The following ALMS1 variants were observed in gnomAD, a reference collection of about 807,000 sequenced individuals.
The protein encoded by ALMS1 is ALMS1 centrosome and basal body associated protein, also known as centrosome-associated protein ALMS1.
ALMS1 carries 271 observed loss-of-function variants against 352.2 expected under a neutral mutation model. The ratio of observed to expected loss-of-function variants is 0.77; its 90% CI spans 0.70 to 0.85. ALMS1 has a LOEUF of 0.85. ALMS1 is among the 40% of genes least tolerant of loss of function. ALMS1 has a pLI of 0.00. For missense variants in ALMS1, 5,445 were observed against 4,870.7 expected (o/e 1.12, Z -3.51); for synonymous variants, 1,865 against 1,761.2 (o/e 1.06, Z -1.48).
chr2:73,571,161 C>G (rs1674919017), intron 15 of ALMS1, among the ~76,000 whole-genome samples: 1 of 152,172 alleles, frequency 6.6e-6, no homozygotes, highest in Non-Finnish European at 1.5e-5. Flanking sequence ...GTGTCCCACT[C>G]TACTCTGGGG....
chr2:73,463,085 T>C (rs1003841033), intron 9 of ALMS1, among the ~76,000 whole-genome samples: 43 of 152,220 alleles, frequency 2.8e-4, no homozygotes, highest in South Asian at 8.3e-4. Flanking sequence ...AGCAATTGAA[T>C]TCAGCTCTGC....
intron 1 of ALMS1, among the ~76,000 whole-genome samples, chr2:73,407,008 C>A (rs756126109): frequency 7.9e-5 from 12 of 152,182 alleles, no homozygotes; most frequent in Non-Finnish European, 1.5e-4. Context: ...AACATACTTT[C>A]TTAGTTTGTT....
intron 11 of ALMS1, among the ~76,000 whole-genome samples, chr2:73,520,221 CAT>C (rs1673648939): frequency 6.6e-6 from 1 of 152,138 alleles, no homozygotes; most frequent in Non-Finnish European, 1.5e-5. Context: ...GCACAGTTAA[CAT>C]GTAGAACTCA....
At position 73,448,897 on chromosome 2, in the gene ALMS1, T is replaced by G. The variant is rs370372529; in HGVS notation, c.2370T>G (p.Val790=). The G allele has an allele frequency of 5.0e-6, 8 of 1,613,278 alleles. No homozygotes were observed. In the African/African-American group the frequency reaches 6.7e-5, roughly 14 times the overall value. Residue 790 remains valine (V), a synonymous_variant, in exon 8 of 23, where the codon GTT becomes GTG. Coordinates refer to ENST00000613296, the MANE Select transcript of ALMS1 (RefSeq NM_001378454.1). ...DSHLPEEGLK[V]SAVAGPADQK... ...ATCTACCTGAAGAGGGTCTGAAAGT[T>G]TCAGCTGTTGCTGGACCAGCTGACC... is the stretch of plus-strand genomic sequence containing the variant.
At chr2:73,469,726 T>G (rs898439474) in intron 9 of ALMS1, 10 of 151,866 alleles carry the variant, frequency 6.6e-5, no homozygotes, top group Non-Finnish European at 1.5e-5. Flanking sequence ...AGGGTCGAAG[T>G]GTCAAATCAG....
At position 73,450,112 on chromosome 2, in the gene ALMS1, A is replaced by C. The variant is rs1379603997; in HGVS notation, c.3585A>C (p.Arg1195Ser). The change falls in exon 8 of 23, where the codon AGA (arginine) becomes AGC (serine). Residue 1195 changes from arginine (R) to serine (S), a missense_variant. By Grantham distance (110) the Arg-to-Ser change is moderately radical. Coordinates refer to ENST00000613296, the MANE Select transcript of ALMS1 (RefSeq NM_001378454.1). Reference protein sequence around the residue: ...PRVLSTFYSQREKPGIFYQQT... With the variant: ...PRVLSTFYSQSEKPGIFYQQT... ...TACTTTCTACCTTCTACTCACAAAG[A>C]GAGAAACCTGGTATTTTCTATCAAC... 3 of 1,614,044 alleles carry C rather than the reference A, an allele frequency of 1.9e-6. No individual in the cohort carries two copies. In the South Asian group the frequency reaches 3.3e-5, roughly 18 times the overall value.
chr2:73,386,248 G>T, intron 1 of ALMS1, 56 bp downstream of exon 1: 11 of 1,427,272 alleles, frequency 7.7e-6, no homozygotes, highest in Non-Finnish European at 1.0e-5. Flanking sequence ...TGGAGGCTGG[G>T]CCCCGAGCGC....
chr2:73,572,973 CTCA>C lies in ALMS1; in HGVS notation c.11102_11104del (p.His3701del), dbSNP rs1426150645. Reference sequence around the variant, plus strand: ...GAGCTTAAAAAAAGCAAGGTGCTTTCTCATCATCGAGCTGGGAGGTCTAATCAA... The same window carrying C: ...GAGCTTAAAAAAAGCAAGGTGCTTTCTCATCGAGCTGGGAGGTCTAATCAA... On this transcript the variant is annotated inframe_deletion, in exon 16 of 23. Coordinates refer to ENST00000613296, the MANE Select transcript of ALMS1 (RefSeq NM_001378454.1). 1 of 1,614,100 alleles carries C rather than the reference CTCA, an allele frequency of 6.2e-7. No homozygotes were observed. Among genetic ancestry groups the C allele is most frequent in the Non-Finnish European group, 8.5e-7 (1 of 1,180,002 alleles).
chr2:73,431,063 T>C (rs1410690918), intron 6 of ALMS1, among the ~76,000 whole-genome samples: 1 of 152,146 alleles, frequency 6.6e-6, no homozygotes, highest in East Asian at 1.9e-4. Flanking sequence ...TTCTTTGTTA[T>C]GGTGGGAGGC....
At chr2:73,531,995 G>A (rs1367619452) in intron 11 of ALMS1, among the ~76,000 whole-genome samples, 1 of 152,202 alleles carries the variant, frequency 6.6e-6, no homozygotes, top group Non-Finnish European at 1.5e-5. Context: ...ATTTGGTTGG[G>A]TACTCAGAGC....
chr2:73,421,257 T>G (rs570236864), intron 3 of ALMS1, among the ~76,000 whole-genome samples: 86 of 152,300 alleles, frequency 5.6e-4, no homozygotes, highest in Admixed American at 1.4e-3. Context: ...TTCTGTAGGT[T>G]CTGAAACCTA....
chr2:73,584,391 T>C (rs1675263871), intron 16 of ALMS1, among the ~76,000 whole-genome samples: 3 of 152,216 alleles, frequency 2.0e-5, no homozygotes, highest in Admixed American at 2.0e-4. Flanking sequence ...AGGAGTCTTT[T>C]CACATACCTA....
intron 10 of ALMS1, among the ~76,000 whole-genome samples, chr2:73,493,711 ACT>A (rs1673039997): frequency 1.3e-5 from 2 of 151,930 alleles, no homozygotes; most frequent in Non-Finnish European, 2.9e-5. Flanking sequence ...ACAAAGCGAG[ACT>A]CTGCCTCAAA....
intron 11 of ALMS1, among the ~76,000 whole-genome samples, chr2:73,532,468 C>G (rs1446623833): frequency 6.6e-6 from 1 of 152,194 alleles, no homozygotes; most frequent in Non-Finnish European, 1.5e-5. Context: ...TTATTCTTTC[C>G]TCTTTTCCAC....
In ALMS1 at chr2:73,511,069, G is replaced by A. The variant is rs1023344363; in HGVS notation, c.9540-8706G>A. 9.9e-4 allele frequency among the ~76,000 whole-genome samples: 150 copies of A among 152,176 alleles called. 1 individual carries two copies. The highest frequency in any genetic ancestry group is 7.2e-4 in the Admixed American group (11 of 15,280). On this transcript the variant is annotated intron_variant, in intron 10 of 22. Transcript: ENST00000613296. ...GCTTGAATATCCTAGGTCGACTTCA[G>A]GCTGCTCTGCTGGCAGTCAGAATTT...
In ALMS1 at chr2:73,450,697, T is replaced by G. The variant is rs1671916265; in HGVS notation, c.4170T>G (p.Ile1390Met). 6.2e-7 allele frequency: 1 copy of G among 1,611,462 alleles called. No individual in the cohort carries two copies. Among genetic ancestry groups the G allele is most frequent in the Admixed American group, 1.7e-5 (1 of 59,682 alleles). Residue 1390 changes from isoleucine (I) to methionine (M), a missense_variant, in exon 8 of 23, where the codon ATT becomes ATG. Physicochemically the swap from Ile to Met is conservative, Grantham distance 10. Coordinates refer to ENST00000613296, the MANE Select transcript of ALMS1 (RefSeq NM_001378454.1). The part of the protein sequence containing the change: ...SYSQHTEKPS[I>M]FYQQSLPGSH... ...CACAACATACAGAGAAGCCGAGTATTTTCTACCAACAGTCGTTGCCAGGTA... is the reference window on the plus strand; with the variant it reads ...CACAACATACAGAGAAGCCGAGTATGTTCTACCAACAGTCGTTGCCAGGTA...
intron 9 of ALMS1, among the ~76,000 whole-genome samples, chr2:73,467,107 C>T (rs1672370471): frequency 3.0e-5 from 1 of 33,102 alleles, no homozygotes; most frequent in Admixed American, 5.0e-4. Context: ...TAAACAAGAA[C>T]AAAAATACAC....
intron 16 of ALMS1, among the ~76,000 whole-genome samples, chr2:73,588,992 C>T (rs1245809435): frequency 6.6e-6 from 1 of 151,610 alleles, no homozygotes; most frequent in Non-Finnish European, 1.5e-5. Context: ...TATTATAATC[C>T]AAATATACAT....
intron 12 of ALMS1, among the ~76,000 whole-genome samples, chr2:73,539,355 C>T (rs1328945335): frequency 6.6e-6 from 1 of 152,122 alleles, no homozygotes; most frequent in African/African-American, 2.4e-5. Context: ...AAAGGACATC[C>T]ACACCAAAAC....
Sources: gnomAD v4.1 joint callset for allele counts (sites outside exome capture counted in the v4.1 genomes callset) on GRCh38, gnomAD v4.1.1 for gene constraint, MANE v1.5 for transcripts, NCBI Gene and HGNC (gene_info 2026-07-23, HGNC 2026-07-21) for gene names.